Variants in PCSK6 observed in about 807,000 individuals in gnomAD.
PCSK6 encodes paired basic amino acid cleaving enzyme 4.
Under a neutral mutation model 123.3 loss-of-function variants are expected in PCSK6, and 85 were observed. The ratio of observed to expected loss-of-function variants is 0.69; its 90% CI spans 0.58 to 0.83. PCSK6 has a LOEUF of 0.83. PCSK6 is among the 40% of genes least tolerant of loss of function. The pLI is 0.00. For missense variants in PCSK6, 1,191 were observed against 1,282.3 expected (o/e 0.93, Z 1.09); for synonymous variants, 508 against 516.0 (o/e 0.98, Z 0.21).
At chr15:101,358,904 A>T (rs1229978353) in intron 13 of PCSK6, among the ~76,000 whole-genome samples, 1 of 152,208 alleles carries the variant, frequency 6.6e-6, no homozygotes, top group Non-Finnish European at 1.5e-5. Flanking sequence ...GGGGAGACTC[A>T]GTTGCAACTG....
intron 15 of PCSK6, among the ~76,000 whole-genome samples, chr15:101,327,989 G>A (rs1384564): frequency 0.026 from 3,938 of 152,212 alleles, 191 homozygotes; most frequent in African/African-American, 0.091. Context: ...AGCTCCAGAG[G>A]GTTTACTATA....
intron 1 of PCSK6, among the ~76,000 whole-genome samples, chr15:101,464,919 C>T (rs1450110791): frequency 6.6e-6 from 1 of 150,422 alleles, no homozygotes; most frequent in African/African-American, 2.4e-5. Flanking sequence ...GGGCCAGCGG[C>T]GGGCATACCA....
At chr15:101,322,947 AG>A (rs1452724826) in intron 17 of PCSK6, among the ~76,000 whole-genome samples, 2 of 152,344 alleles carry the variant, frequency 1.3e-5, no homozygotes, top group African/African-American at 4.8e-5. Flanking sequence ...GGGTGTGGGC[AG>A]GTGGGGGGTG....
chr15:101,370,573 C>T, intron 11 of PCSK6, 50 bp from the exon 12 acceptor site: 1 of 1,385,302 alleles, frequency 7.2e-7, no homozygotes, highest in South Asian at 1.7e-5. Context: ...CATGAAGTCT[C>T]ACCCACACAG....
In PCSK6 at chr15:101,356,624, G is replaced by C. The variant is rs373815704; in HGVS notation, c.1858+9572C>G. ...AAACCTGGGAGGCAGAGGTTGCAGT[G>C]AGCCGAGATTGCGCCGTTGCACTCC... On this transcript the variant is annotated intron_variant, in intron 13 of 21. Transcript: ENST00000611716. Among the ~76,000 whole-genome samples the C allele has an allele frequency of 2.0e-5, 3 of 151,686 alleles. No individual in the cohort carries two copies. In the East Asian group the frequency reaches 5.8e-4, roughly 29 times the overall value.
chr15:101,374,611 T>TGCTG (rs1351089811), intron 11 of PCSK6, among the ~76,000 whole-genome samples: 1 of 152,284 alleles, frequency 6.6e-6, no homozygotes, highest in East Asian at 1.9e-4. Flanking sequence ...CCAGCTGCTG[T>TGCTG]GCTGGCACCT....
At position 101,384,427 on chromosome 15, in the gene PCSK6, T is replaced by C. The variant is rs1185682284; in HGVS notation, c.1311-2A>G. On this transcript the variant is annotated splice_acceptor_variant, in intron 9 of 21. Transcript: ENST00000611716. LOFTEE classifies it high-confidence loss of function. Reference sequence around the variant, plus strand: ...ACGTCCCTCCAGGTTAACTGGCTGCTGCAATGACACAACACACCCTAGAGT... The same window carrying C: ...ACGTCCCTCCAGGTTAACTGGCTGCCGCAATGACACAACACACCCTAGAGT... 1 of 1,612,886 alleles carries C rather than the reference T, an allele frequency of 6.2e-7. No homozygotes were observed. The highest frequency in any genetic ancestry group is 1.1e-5 in the South Asian group (1 of 90,984).
intron 12 of PCSK6, among the ~76,000 whole-genome samples, chr15:101,367,047 G>T (rs560758820): frequency 6.3e-4 from 96 of 152,250 alleles, no homozygotes; most frequent in Non-Finnish European, 1.1e-3. Flanking sequence ...CGTGGAGAGC[G>T]GGGGGAGGAG....
Position 101,390,564 on chromosome 15 carries a change from T to C in PCSK6, c.1210-1000A>G, listed in dbSNP as rs571468336. Among the ~76,000 whole-genome samples the C allele has an allele frequency of 8.5e-5, 13 of 152,252 alleles. No homozygotes were observed. In the South Asian group the frequency reaches 2.5e-3, roughly 29 times the overall value. On this transcript the variant is annotated intron_variant, in intron 8 of 21. Coordinates refer to ENST00000611716, the MANE Select transcript of PCSK6 (RefSeq NM_002570.5). ...AGGACTGGACCCACCGCTGCTGGCA[T>C]TGAAGAGGGAGCTGAGGAGTAAGCC...
chr15:101,383,937 GT>G, intron 10 of PCSK6: 2 of 182,036 alleles, frequency 1.1e-5, no homozygotes, highest in Non-Finnish European at 2.1e-5. Context: ...GTCCTGCTGT[GT>G]TGTCCAGGCT....
intron 3 of PCSK6, 154 bp from the exon 4 acceptor site, chr15:101,431,617 C>T: frequency 3.3e-6 from 3 of 899,716 alleles, no homozygotes; most frequent in Non-Finnish European, 5.3e-6. Flanking sequence ...TCCTCTTTCC[C>T]ACTCGGATCG....
intron 18 of PCSK6, among the ~76,000 whole-genome samples, chr15:101,321,239 C>A (rs1335160921): frequency 6.6e-6 from 1 of 152,206 alleles, no homozygotes; most frequent in African/African-American, 2.4e-5. Flanking sequence ...CTTTCCTGGG[C>A]CAGTTCATCC....
At chr15:101,482,597 G>A (rs891282913) in intron 1 of PCSK6, among the ~76,000 whole-genome samples, 1 of 152,168 alleles carries the variant, frequency 6.6e-6, no homozygotes, top group Non-Finnish European at 1.5e-5. Flanking sequence ...GGAGAACAGG[G>A]TCTGGACAGC....
chr15:101,402,080 C>A (rs1050998167), intron 6 of PCSK6, among the ~76,000 whole-genome samples: 109 of 150,906 alleles, frequency 7.2e-4, no homozygotes, highest in Non-Finnish European at 1.2e-3. Context: ...AGATATAGAT[C>A]AATGGAACAG....
At chr15:101,310,571 G>A (rs896847207) in intron 20 of PCSK6, among the ~76,000 whole-genome samples, 2 of 152,260 alleles carry the variant, frequency 1.3e-5, no homozygotes, top group Admixed American at 6.5e-5. Context: ...CCAGGGCCCC[G>A]TGCAGGACTC....
chr15:101,334,180 G>T (rs1256504019), intron 13 of PCSK6: 1 of 152,084 alleles, frequency 6.6e-6, no homozygotes, highest in Non-Finnish European at 1.5e-5. Flanking sequence ...GACACAGGAA[G>T]TTGTTCTCAC....
intron 15 of PCSK6, among the ~76,000 whole-genome samples, chr15:101,327,835 G>A (rs1348026529): frequency 6.6e-6 from 1 of 152,078 alleles, no homozygotes; most frequent in East Asian, 1.9e-4. Flanking sequence ...GGGGCTTTGC[G>A]TGTCCCGGTT....
intron 13 of PCSK6, among the ~76,000 whole-genome samples, chr15:101,356,235 C>A (rs1337635115): frequency 1.3e-5 from 2 of 152,180 alleles, no homozygotes; most frequent in Non-Finnish European, 2.9e-5. Context: ...CGTAGCCTTG[C>A]AGGCTCTGTG....
intron 1 of PCSK6, among the ~76,000 whole-genome samples, chr15:101,445,713 G>A (rs2056871162): frequency 6.6e-6 from 1 of 152,216 alleles, no homozygotes; most frequent in Non-Finnish European, 1.5e-5. Flanking sequence ...CCTGGGAGAC[G>A]TTACGTAACT....
Sources: allele counts gnomAD v4.1 joint callset (sites outside exome capture counted in the v4.1 genomes callset), GRCh38; gene constraint gnomAD v4.1.1; transcripts MANE v1.5; gene names NCBI Gene and HGNC (gene_info 2026-07-23, HGNC 2026-07-21).